RBPJ: variants seen among roughly 807,000 people sequenced by gnomAD.
The protein encoded by RBPJ is recombination signal binding protein for immunoglobulin kappa J region.
In RBPJ, 9 loss-of-function variants were observed where a neutral mutation model predicts 67.8. That is an observed-to-expected ratio of 0.13 (90% CI 0.08 to 0.23). The LOEUF is 0.23. Among genes scored for constraint, RBPJ ranks in the 10% least tolerant of loss-of-function variants. The pLI is 1.00. For missense variants in RBPJ, 305 were observed against 595.6 expected (o/e 0.51, Z 5.08); for synonymous variants, 198 against 203.3 (o/e 0.97, Z 0.22).
chr4:26,195,874 G>A (rs181923493), intron 1 of RBPJ, among the ~76,000 whole-genome samples: 24 of 152,298 alleles, frequency 1.6e-4, no homozygotes, highest in East Asian at 5.8e-4. Context: ...GATTACAGGC[G>A]TGAGCCACCG....
chr4:26,330,336 T>G (rs192284116), intron 1 of RBPJ, among the ~76,000 whole-genome samples: 13 of 152,346 alleles, frequency 8.5e-5, no homozygotes, highest in African/African-American at 3.1e-4. Flanking sequence ...TGTTATTTGC[T>G]GGATGAATAT....
the RBPJ span, among the ~76,000 whole-genome samples, chr4:26,138,842 A>T: frequency 6.6e-6 from 1 of 152,240 alleles, no homozygotes; most frequent in Admixed American, 6.5e-5. Context: ...GAGACAGTAT[A>T]TGACTTCAGC....
intron 1 of RBPJ, among the ~76,000 whole-genome samples, chr4:26,268,729 C>G (rs999119870): frequency 1.3e-5 from 2 of 151,956 alleles, no homozygotes; most frequent in African/African-American, 4.8e-5. Context: ...AAGGTCAAGC[C>G]TGGCTGAGGG....
At chr4:26,266,395 T>C (rs1273574891) in intron 1 of RBPJ, among the ~76,000 whole-genome samples, 1 of 152,242 alleles carries the variant, frequency 6.6e-6, no homozygotes. Flanking sequence ...TATTTATTAA[T>C]ACATGCTAGG....
the RBPJ span, among the ~76,000 whole-genome samples, chr4:26,114,501 A>ATATATATATATG: frequency 6.9e-6 from 1 of 144,708 alleles, no homozygotes; most frequent in African/African-American, 2.7e-5. Flanking sequence ...ATATATATGT[A>ATATATATATATG]TGTGTGTGTG....
chr4:26,359,218 C>CA (rs952880627), intron 1 of RBPJ, among the ~76,000 whole-genome samples: 36 of 152,048 alleles, frequency 2.4e-4, no homozygotes, highest in African/African-American at 8.7e-4. Flanking sequence ...AATAGACATA[C>CA]AAAAATATGT....
intron 1 of RBPJ, among the ~76,000 whole-genome samples, chr4:26,280,851 T>G (rs1476734685): frequency 1.3e-5 from 2 of 152,224 alleles, no homozygotes; most frequent in Non-Finnish European, 2.9e-5. Flanking sequence ...TAAAACTTTT[T>G]TTTTCATGTT....
At chr4:26,271,650 A>G (rs1720920005) in intron 1 of RBPJ, among the ~76,000 whole-genome samples, 1 of 152,112 alleles carries the variant, frequency 6.6e-6, no homozygotes, top group African/African-American at 2.4e-5. Context: ...CTGCCTGCAT[A>G]TGCTATGTCC....
intron 1 of RBPJ, among the ~76,000 whole-genome samples, chr4:26,365,438 A>G (rs1000840246): frequency 1.3e-5 from 2 of 152,218 alleles, no homozygotes; most frequent in African/African-American, 4.8e-5. Flanking sequence ...TGCAGGCTTC[A>G]GCACATTCAT....
chr4:26,295,265 T>TGTGTGTGTGTGTGG (rs957109851), intron 1 of RBPJ, among the ~76,000 whole-genome samples: 3 of 151,886 alleles, frequency 2.0e-5, no homozygotes, highest in African/African-American at 7.3e-5. Flanking sequence ...TGTGTGTGTG[T>TGTGTGTGTGTGTGG]GTGTGGGTGT....
chr4:26,176,355 T>C (rs999804562), intron 1 of RBPJ, among the ~76,000 whole-genome samples: 1 of 152,186 alleles, frequency 6.6e-6, no homozygotes, highest in African/African-American at 2.4e-5. Context: ...TCACTGAGTT[T>C]AAAACCAGTG....
chr4:26,204,446 G>C (rs1718098061), intron 1 of RBPJ, among the ~76,000 whole-genome samples: 1 of 152,178 alleles, frequency 6.6e-6, no homozygotes, highest in Non-Finnish European at 1.5e-5. Flanking sequence ...GCGCCTTACT[G>C]GTCCTTGGGG....
rs3113017 is a variant in RBPJ, at chr4:26,413,807, G to A, written c.156-1668G>A. The stretch of plus-strand genomic sequence containing the variant: ...TTGTGTGTGCACATATGCACATAAA[G>A]TTTTTTTCTTTTAGTCTGCACGTTG... On this transcript the variant is annotated intron_variant, in intron 3 of 10. Transcript: ENST00000355476. Among the ~76,000 whole-genome samples the A allele has an allele frequency of 8.9e-3, 1,348 of 152,226 alleles. 14 individuals carry two copies. Among genetic ancestry groups the A allele is most frequent in the African/African-American group, 0.031 (1,282 of 41,518 alleles).
intron 3 of RBPJ, among the ~76,000 whole-genome samples, chr4:26,409,323 T>C (rs1733786307): frequency 6.6e-6 from 1 of 151,990 alleles, no homozygotes; most frequent in African/African-American, 2.4e-5. Context: ...TCCCAGCACT[T>C]TGAGAGGTCA....
chr4:26,225,819 A>G (rs1217435472), intron 1 of RBPJ, among the ~76,000 whole-genome samples: 1 of 152,050 alleles, frequency 6.6e-6, no homozygotes, highest in Non-Finnish European at 1.5e-5. Flanking sequence ...TAGAAGCAGG[A>G]TATTTTCCAC....
In RBPJ at chr4:26,386,333, C is replaced by T; in HGVS notation, c.21-20C>T. On this transcript the variant is annotated intron_variant, in intron 1 of 10. Coordinates refer to ENST00000355476, the MANE Select transcript of RBPJ (RefSeq NM_015874.6). ...CATAAAGCTTACTTAACTTTATTTT[C>T]TTTATTTTTTTTTTTCCAGGAAATT... is the stretch of plus-strand genomic sequence containing the variant. 2 of 1,526,748 alleles carry T rather than the reference C, an allele frequency of 1.3e-6. No homozygotes were observed. Among genetic ancestry groups the T allele is most frequent in the Non-Finnish European group, 8.8e-7 (1 of 1,131,754 alleles). The allele number at this position is 1,526,748 out of a possible 1,614,324, so 94.6% of individuals were successfully genotyped here.
At chr4:26,319,661 T>C, upstream of RBPJ, 1 of 640,332 alleles carries the variant, frequency 1.6e-6, no homozygotes, top group Non-Finnish European at 2.8e-6. Flanking sequence ...CTGAGCCGAG[T>C]AGTGGAAGGC....
chr4:26,369,464 A>G (rs545703967), intron 1 of RBPJ, among the ~76,000 whole-genome samples: 2 of 152,356 alleles, frequency 1.3e-5, no homozygotes, highest in African/African-American at 4.8e-5. Context: ...TAGAATAACT[A>G]TAAAAGTGTT....
At position 26,250,596 on chromosome 4, in the gene RBPJ, G is replaced by A. The variant is rs796963662; in HGVS notation, c.-167+86982G>A. Among the ~76,000 whole-genome samples, 5 of 152,068 alleles carry A rather than the reference G, an allele frequency of 3.3e-5. No homozygotes were observed. In the South Asian group the frequency reaches 6.2e-4, roughly 19 times the overall value. On this transcript the variant is annotated intron_variant, in intron 1 of 4. Coordinates refer to the RBPJ transcript ENST00000512351. ...GATCCACCCACCTTGGCTTCCCAAA[G>A]TGCTGGGACACAGATGTGAGCCACC...
Sources: allele counts gnomAD v4.1 joint callset (sites outside exome capture counted in the v4.1 genomes callset), GRCh38; gene constraint gnomAD v4.1.1; transcripts MANE v1.5; gene names NCBI Gene and HGNC (gene_info 2026-07-23, HGNC 2026-07-21).